The following WDR59 variants were observed in gnomAD, a reference collection of about 807,000 sequenced individuals.
The protein encoded by WDR59 is WD repeat domain 59, also known as GATOR2 complex protein WDR59.
WDR59 carries 100 observed loss-of-function variants against 131.2 expected under a neutral mutation model. The observed-to-expected ratio is 0.76, with a 90% CI of 0.65 to 0.90. The LOEUF (loss-of-function observed/expected upper bound fraction) is 0.90, where lower values mean the gene tolerates loss of function less well. Among genes scored for constraint, WDR59 ranks in the 40% least tolerant of loss-of-function variants. The pLI, the probability that WDR59 is intolerant of heterozygous loss-of-function variation, is 0.00. For missense variants in WDR59, 1,203 were observed against 1,262.2 expected (o/e 0.95, Z 0.71); for synonymous variants, 601 against 466.2 (o/e 1.29, Z -3.72).
intron 1 of WDR59, among the ~76,000 whole-genome samples, chr16:74,983,873 G>T (rs1174178076): frequency 8.0e-6 from 1 of 124,450 alleles, no homozygotes; most frequent in Non-Finnish European, 2.0e-5. Flanking sequence ...CAGCTACTGG[G>T]GAGGCTGAGG....
chr16:74,906,121 T>C (rs1210026695), intron 17 of WDR59, among the ~76,000 whole-genome samples: 1 of 151,652 alleles, frequency 6.6e-6, no homozygotes, highest in Non-Finnish European at 1.5e-5. Flanking sequence ...GAGACCATCC[T>C]GGCTAACACG....
intron 25 of WDR59, among the ~76,000 whole-genome samples, chr16:74,880,684 G>A (rs1018711982): frequency 2.0e-5 from 3 of 152,276 alleles, no homozygotes; most frequent in East Asian, 3.9e-4. Flanking sequence ...AGGTTTTGCA[G>A]GTGAAACTTG....
chr16:74,983,990 A>G (rs1182785358), intron 1 of WDR59, among the ~76,000 whole-genome samples: 1 of 151,886 alleles, frequency 6.6e-6, no homozygotes, highest in African/African-American at 2.4e-5. Flanking sequence ...AAATGAAGTA[A>G]AATAGGCCAG....
At chr16:74,926,895 T>C (rs1486020078) in intron 8 of WDR59, among the ~76,000 whole-genome samples, 1 of 152,192 alleles carries the variant, frequency 6.6e-6, no homozygotes, top group South Asian at 2.1e-4. Context: ...AATATATAAA[T>C]GAGCCAAGCT....
intron 17 of WDR59, among the ~76,000 whole-genome samples, chr16:74,907,172 T>C (rs1304766220): frequency 2.0e-5 from 3 of 152,218 alleles, no homozygotes; most frequent in Non-Finnish European, 4.4e-5. Context: ...TGGCCACCTC[T>C]TGGCAAAACA....
chr16:74,904,016 T>C lies in WDR59; in HGVS notation c.1797A>G (p.Leu599=). 6.2e-7 allele frequency: 1 copy of C among 1,612,356 alleles called. No homozygotes were observed. Among genetic ancestry groups the C allele is most frequent in the Non-Finnish European group, 8.5e-7 (1 of 1,179,496 alleles). The change falls in exon 18 of 26, where the codon TTA becomes TTG. Residue 599 remains leucine (L), a synonymous_variant. Coordinates refer to ENST00000262144, the MANE Select transcript of WDR59 (RefSeq NM_030581.4). ...CGCTGCGAGTGGGGCTCCCACTGTA[T>C]AAACGAAGGTTCCCAGGGGCCTCTG... ...IRTEAPGNLR[L]YSGSPTRSEK...
At chr16:74,912,659 G>T (rs979591689) in intron 13 of WDR59, among the ~76,000 whole-genome samples, 1 of 152,206 alleles carries the variant, frequency 6.6e-6, no homozygotes, top group East Asian at 1.9e-4. Context: ...AAATATAGAG[G>T]TGTGGAGTGG....
chr16:74,974,069 C>T lies in WDR59; in HGVS notation c.55-8247G>A, dbSNP rs1481685730. On this transcript the variant is annotated intron_variant, in intron 1 of 25. Transcript: ENST00000262144. ...CCTGTAATCCCAGCTACTCAGGAGG[C>T]TGAGGCAGGAGAATTGCTTCAACCC... Among the ~76,000 whole-genome samples the T allele has an allele frequency of 5.3e-5, 8 of 152,298 alleles. No individual in the cohort carries two copies. In the East Asian group the frequency reaches 5.8e-4, roughly 11 times the overall value.
chr16:74,954,338 G>A (rs556277251), intron 3 of WDR59, among the ~76,000 whole-genome samples: 142 of 152,234 alleles, frequency 9.3e-4, no homozygotes, highest in Admixed American at 2.4e-3. Context: ...AACCCAGGAG[G>A]TGGAGGTTGT....
chr16:74,890,031 A>G (rs1480844659), intron 20 of WDR59, among the ~76,000 whole-genome samples: 2 of 152,200 alleles, frequency 1.3e-5, no homozygotes, highest in African/African-American at 2.4e-5. Flanking sequence ...AGTTATGTGC[A>G]CTCTAAAGTT....
At position 74,922,948 on chromosome 16, in the gene WDR59, G is replaced by A. The variant is rs190258971; in HGVS notation, c.730-845C>T. On this transcript the variant is annotated intron_variant, in intron 9 of 25. Transcript: ENST00000262144. ...TATAAAGGTAGCTTTATCCATCCCT[G>A]TGCTAGCTTTCAGATTGACATTAAA... 5.5e-3 allele frequency among the ~76,000 whole-genome samples: 837 copies of A among 152,198 alleles called. 2 individuals are homozygous for A. Among genetic ancestry groups the A allele is most frequent in the Non-Finnish European group, 9.2e-3 (625 of 68,016 alleles).
At position 74,888,221 on chromosome 16, in the gene WDR59, A is replaced by G; in HGVS notation, c.2294T>C (p.Phe765Ser). ...QSRPQGLPNP[F>S]GPFPNRSSNL... ...AGAAGAACGGTTAGGAAAAGGCCCA[A>G]AGGGGTTTGGTAGCCCCTGAGGCCG... The change falls in exon 22 of 26, where the codon TTT becomes TCT. Residue 765 changes from phenylalanine (F) to serine (S), a missense_variant. Phe to Ser is a radical substitution (Grantham distance 155, BLOSUM62 -2). Transcript: ENST00000262144. The G allele has an allele frequency of 6.2e-7, 1 of 1,614,138 alleles. No individual in the cohort carries two copies. The highest frequency in any genetic ancestry group is 8.5e-7 in the Non-Finnish European group (1 of 1,180,006).
intron 6 of WDR59, among the ~76,000 whole-genome samples, chr16:74,945,852 CT>C (rs2032594216): frequency 7.2e-6 from 1 of 138,752 alleles, no homozygotes; most frequent in Non-Finnish European, 1.5e-5. Flanking sequence ...GAGTTTTGCT[CT>C]TGTTGCCCAG....
chr16:74,984,701 GTC>G, intron 1 of WDR59: 3 of 545,196 alleles, frequency 5.5e-6, no homozygotes, highest in Non-Finnish European at 9.9e-6. Context: ...ACGATGCGCA[GTC>G]TCTGCCTCAG....
intron 1 of WDR59, among the ~76,000 whole-genome samples, chr16:74,975,742 A>G (rs1334006538): frequency 6.6e-6 from 1 of 152,096 alleles, no homozygotes; most frequent in East Asian, 1.9e-4. Context: ...AACTTGCCCA[A>G]GATCACATGG....
In WDR59 at chr16:74,922,127, G is replaced by T. The variant is rs778388608; in HGVS notation, c.730-24C>A. On this transcript the variant is annotated intron_variant, in intron 9 of 25. Transcript: ENST00000262144. The stretch of plus-strand genomic sequence containing the variant: ...GGCTAAGGCAGGGAAGGGAAAAGCA[G>T]GTGATTAGATTATTTCAGGGAGAAT... 3 of 1,613,338 alleles carry T rather than the reference G, an allele frequency of 1.9e-6. No homozygotes were observed. In the South Asian group the frequency reaches 3.3e-5, roughly 18 times the overall value.
In WDR59 at chr16:74,886,002, C is replaced by A. The variant is rs1445548205; in HGVS notation, c.2547-207G>T. ...GACCAGCCTGGCCAACATGGTGAAA[C>A]CCTGTCTGTACTAAAAATACAAAAA... On this transcript the variant is annotated intron_variant, in intron 24 of 25. Coordinates refer to ENST00000262144, the MANE Select transcript of WDR59 (RefSeq NM_030581.4). 4 of 677,874 alleles carry A rather than the reference C, an allele frequency of 5.9e-6. No individual in the cohort carries two copies. In the African/African-American group the frequency reaches 7.3e-5, roughly 12 times the overall value. 42.0% of individuals were successfully genotyped at this position (677,874 alleles called of 1,614,324 possible).
intron 10 of WDR59, among the ~76,000 whole-genome samples, chr16:74,918,795 A>T (rs984279522): frequency 2.6e-5 from 4 of 152,192 alleles, no homozygotes; most frequent in Non-Finnish European, 5.9e-5. Flanking sequence ...AACTGAGGCA[A>T]GAGAATATGA....
At chr16:74,974,585 C>A (rs960991092) in intron 1 of WDR59, among the ~76,000 whole-genome samples, 1 of 152,054 alleles carries the variant, frequency 6.6e-6, no homozygotes, top group Non-Finnish European at 1.5e-5. Context: ...CTATCTAGAA[C>A]GTGGATTTTA....
Sources: allele counts gnomAD v4.1 joint callset (sites outside exome capture counted in the v4.1 genomes callset), GRCh38; gene constraint gnomAD v4.1.1; transcripts MANE v1.5; gene names NCBI Gene and HGNC (gene_info 2026-07-23, HGNC 2026-07-21).